Variants in TMEM132C observed in about 807,000 individuals in gnomAD.
TMEM132C encodes the protein protein phosphatase 1, regulatory subunit 152.
Under a neutral mutation model 61.4 loss-of-function variants are expected in TMEM132C, and 29 were observed. That is an observed-to-expected ratio of 0.47 (90% CI 0.35 to 0.64). TMEM132C has a LOEUF of 0.64. TMEM132C is among the 30% of genes least tolerant of loss of function. The pLI is 0.00. For missense variants in TMEM132C, 1,408 were observed against 1,476.9 expected, an observed-to-expected ratio of 0.95 and a Z score of 0.76; for synonymous variants, 656 against 633.1, an observed-to-expected ratio of 1.04 and a Z score of -0.54.
At position 128,489,377 on chromosome 12, in the gene TMEM132C, GAA is replaced by G. The variant is rs11449941; in HGVS notation, c.975-54569_975-54568del. ...AGAAAGGAGGCGAGAATAAAAGCTG[GAA>G]AAAAAAAAAACCATAGCCTCTTAGC... On this transcript the variant is annotated intron_variant, in intron 2 of 8. Transcript: ENST00000435159. Among the ~76,000 whole-genome samples the G allele has an allele frequency of 5.3e-3, 768 of 143,912 alleles. 5 individuals carry two copies. The highest frequency in any genetic ancestry group is 0.019 in the African/African-American group (735 of 39,138). 94.4% of individuals were successfully genotyped at this position (143,912 alleles called of 152,430 possible).
intron 2 of TMEM132C, among the ~76,000 whole-genome samples, chr12:128,510,671 C>T (rs532581118): frequency 4.6e-5 from 7 of 152,168 alleles, no homozygotes; most frequent in East Asian, 1.9e-4. Context: ...CCTGGTAAAC[C>T]GCAGTTCCCA....
chr12:128,629,226 A>C (rs567148708), intron 4 of TMEM132C, among the ~76,000 whole-genome samples: 1 of 152,230 alleles, frequency 6.6e-6, no homozygotes, highest in African/African-American at 2.4e-5. Flanking sequence ...GAATAAAAAA[A>C]AACCTGGGAC....
intron 1 of TMEM132C, among the ~76,000 whole-genome samples, chr12:128,299,565 T>C (rs1871530730): frequency 6.6e-6 from 1 of 152,150 alleles, no homozygotes; most frequent in African/African-American, 2.4e-5. Flanking sequence ...AAAACAGAGA[T>C]GTGAGAGAAT....
Position 128,326,523 on chromosome 12 carries a change from G to A in TMEM132C, c.85+59036G>A, listed in dbSNP as rs553717548. ...GGTTTTCCATCCTGCCCTGAGCCTAGTGTGAGGTGGAGCAGCCCAGGCTTC... is the reference window on the plus strand; with the variant it reads ...GGTTTTCCATCCTGCCCTGAGCCTAATGTGAGGTGGAGCAGCCCAGGCTTC... On this transcript the variant is annotated intron_variant, in intron 1 of 8. Transcript: ENST00000435159. The surrounding 1 kb of genome is among the most constrained non-coding windows in gnomAD (Gnocchi z 5.6). Among the ~76,000 whole-genome samples, 11 of 152,234 alleles carry A rather than the reference G, an allele frequency of 7.2e-5. No individual in the cohort carries two copies. Among genetic ancestry groups the A allele is most frequent in the Non-Finnish European group, 1.5e-4 (10 of 68,038 alleles).
intron 2 of TMEM132C, among the ~76,000 whole-genome samples, chr12:128,521,371 A>G (rs889360975): frequency 2.0e-5 from 3 of 151,640 alleles, no homozygotes; most frequent in Non-Finnish European, 2.9e-5. Context: ...CTAGGTATAC[A>G]TGTGTCACGT....
intron 5 of TMEM132C, among the ~76,000 whole-genome samples, chr12:128,682,708 A>C (rs1178946716): frequency 6.6e-6 from 1 of 152,216 alleles, no homozygotes; most frequent in African/African-American, 2.4e-5. Context: ...TGGTGTGCAC[A>C]CACTCTGTCA....
chr12:128,624,603 C>T (rs1030925427), intron 4 of TMEM132C, among the ~76,000 whole-genome samples: 4 of 149,552 alleles, frequency 2.7e-5, no homozygotes, highest in East Asian at 3.9e-4. Context: ...GGGCCTGTTT[C>T]GAGAACTAAC....
chr12:128,397,931 G>A (rs1257119819), intron 1 of TMEM132C, among the ~76,000 whole-genome samples: 2 of 152,200 alleles, frequency 1.3e-5, no homozygotes, highest in African/African-American at 4.8e-5. Flanking sequence ...AAGCAAGGCA[G>A]CATGGGGTAC....
chr12:128,373,547 G>A (rs1273633379), intron 1 of TMEM132C, among the ~76,000 whole-genome samples: 2 of 152,178 alleles, frequency 1.3e-5, no homozygotes, highest in Non-Finnish European at 2.9e-5. Flanking sequence ...TGATGATTGG[G>A]ACCAATTCCT....
intron 4 of TMEM132C, among the ~76,000 whole-genome samples, chr12:128,637,936 G>A (rs950777383): frequency 2.6e-5 from 4 of 152,208 alleles, no homozygotes; most frequent in Admixed American, 1.3e-4. Context: ...AAAAGAAAAT[G>A]TCAGCCATAA....
At chr12:128,500,955 A>G (rs1299650051) in intron 2 of TMEM132C, among the ~76,000 whole-genome samples, 1 of 152,210 alleles carries the variant, frequency 6.6e-6, no homozygotes, top group Admixed American at 6.5e-5. Flanking sequence ...TAACAGAAGA[A>G]TTGATAAGCC....
chr12:128,366,198 T>G (rs1410318588), intron 1 of TMEM132C, among the ~76,000 whole-genome samples: 2 of 152,064 alleles, frequency 1.3e-5, no homozygotes, highest in African/African-American at 4.8e-5. Context: ...CGCCCGCGGC[T>G]CTCCTCCCAG....
At chr12:128,381,419 C>T (rs552821117) in intron 1 of TMEM132C, among the ~76,000 whole-genome samples, 13 of 152,212 alleles carry the variant, frequency 8.5e-5, no homozygotes, top group African/African-American at 2.4e-4. Flanking sequence ...GCCGAACACA[C>T]GTGGCAACCC....
intron 1 of TMEM132C, among the ~76,000 whole-genome samples, chr12:128,317,383 T>C (rs775125520): frequency 1.3e-5 from 2 of 152,220 alleles, no homozygotes; most frequent in Middle Eastern, 3.2e-3. Context: ...GTCCGGATCT[T>C]GGTACTGGAT....
rs73158074 is a variant in TMEM132C at position 128,318,121 on chromosome 12, G to T, written c.85+50634G>T. Among the ~76,000 whole-genome samples the T allele has an allele frequency of 3.5e-3, 528 of 152,266 alleles. 3 individuals are homozygous for T. The highest frequency in any genetic ancestry group is 6.8e-3 in the Middle Eastern group (2 of 294). On this transcript the variant is annotated intron_variant, in intron 1 of 8. Coordinates refer to ENST00000435159, the MANE Select transcript of TMEM132C (RefSeq NM_001136103.3). ...CATGGTGGTGAAAAAAACAGACACG[G>T]ATCTCACCCTAACTCTTACTGAGGA...
intron 2 of TMEM132C, among the ~76,000 whole-genome samples, chr12:128,527,734 T>TG (rs34851103): frequency 6.6e-6 from 1 of 151,212 alleles, no homozygotes; most frequent in Non-Finnish European, 1.5e-5. Context: ...TGTGTGTGTG[T>TG]TACATCCATA....
Position 128,326,945 on chromosome 12 carries a change from G to A in TMEM132C, c.85+59458G>A, listed in dbSNP as rs1872540721. ...ATTAGCCGTGTCGTAGGGGGAAAAT[G>A]TTAGAACGACTATTTAAGTAAAATT... On this transcript the variant is annotated intron_variant, in intron 1 of 8. Transcript: ENST00000435159. The surrounding 1 kb of genome is among the most constrained non-coding windows in gnomAD (Gnocchi z 5.6). 6.7e-6 allele frequency among the ~76,000 whole-genome samples: 1 copy of A among 149,968 alleles called. No individual in the cohort carries two copies. The highest frequency in any genetic ancestry group is 1.5e-5 in the Non-Finnish European group (1 of 68,030).
At position 128,696,041 on chromosome 12, in the gene TMEM132C, G is replaced by A. The variant is rs899553268; in HGVS notation, c.1867G>A (p.Val623Met). ...CTTCATGAAGCTGGAGGAACCTCACGTGGCCACCCTCCAGGACAGCCGGGT... is the reference window on the plus strand; with the variant it reads ...CTTCATGAAGCTGGAGGAACCTCACATGGCCACCCTCCAGGACAGCCGGGT... The part of the protein sequence containing the change: ...ADFMKLEEPH[V>M]ATLQDSRVLV... Residue 623 changes from valine (V) to methionine (M), a missense_variant, in exon 7 of 9, where the codon GTG becomes ATG. Physicochemically the swap from Val to Met is conservative, Grantham distance 21 (BLOSUM62 1). Coordinates refer to ENST00000435159, the MANE Select transcript of TMEM132C (RefSeq NM_001136103.3). 9.0e-6 allele frequency: 14 copies of A among 1,551,742 alleles called. No homozygotes were observed. In the African/African-American group the frequency reaches 1.1e-4, roughly 12 times the overall value.
chr12:128,449,337 C>T (rs1260439101), intron 2 of TMEM132C, among the ~76,000 whole-genome samples: 1 of 152,028 alleles, frequency 6.6e-6, no homozygotes, highest in Non-Finnish European at 1.5e-5. Flanking sequence ...CAAGCCTGCT[C>T]ATTTACTGAA....
Sources: allele counts gnomAD v4.1 joint callset (sites outside exome capture counted in the v4.1 genomes callset), GRCh38; gene constraint gnomAD v4.1.1; non-coding constraint Gnocchi (gnomAD v3.1); transcripts MANE v1.5; gene names NCBI Gene and HGNC (gene_info 2026-07-23, HGNC 2026-07-21).